The following KLHL1 variants were observed in gnomAD, a reference collection of about 807,000 sequenced individuals.
KLHL1 encodes the protein kelch like family member 1.
KLHL1 carries 47 observed loss-of-function variants against 77.7 expected under a neutral mutation model. The ratio of observed to expected loss-of-function variants is 0.60; its 90% CI spans 0.48 to 0.77. The LOEUF is 0.77. KLHL1 is among the 30% of genes least tolerant of loss of function. The pLI is 0.00. For synonymous variants in KLHL1, 360 were observed against 325.2 expected, an observed-to-expected ratio of 1.11 and a Z score of -1.15; for missense variants, 925 against 910.8, an observed-to-expected ratio of 1.02 and a Z score of -0.20.
intron 1 of KLHL1, among the ~76,000 whole-genome samples, chr13:69,996,211 G>A (rs1885148525): frequency 6.6e-6 from 1 of 152,028 alleles, no homozygotes; most frequent in Non-Finnish European, 1.5e-5. Context: ...GCTGAGGCAG[G>A]AGAATCGCTT....
chr13:69,776,806 A>G (rs1403591048), intron 7 of KLHL1, among the ~76,000 whole-genome samples: 11 of 152,204 alleles, frequency 7.2e-5, no homozygotes, highest in Non-Finnish European at 1.6e-4. Flanking sequence ...TTCTGTAGTT[A>G]AATTAATATT....
Position 69,701,337 on chromosome 13 carries a change from A to T in KLHL1, c.*365T>A, listed in dbSNP as rs1038465449. On this transcript the variant is annotated 3_prime_UTR_variant, in exon 11 of 11. Transcript: ENST00000377844. ...CTTGGATATTGCCATAGACTATAAA[A>T]TGATTGAATGAGTTGTGGTCATGAA... 5.6e-6 allele frequency: 1 copy of T among 177,024 alleles called. No individual in the cohort carries two copies. The highest frequency in any genetic ancestry group is 2.4e-5 in the African/African-American group (1 of 41,944). The allele number at this position is 177,024 out of a possible 1,614,324, so 11.0% of individuals were successfully genotyped here.
chr13:69,847,169 A>C lies in KLHL1; in HGVS notation c.1228-8007T>G, dbSNP rs544832867. Among the ~76,000 whole-genome samples the C allele has an allele frequency of 2.0e-3, 297 of 151,532 alleles. 1 individual carries two copies. Among genetic ancestry groups the C allele is most frequent in the Middle Eastern group, 0.01 (3 of 294 alleles). ...ATCATAAGTAAACAAAACAAGATAC[A>C]TGAATTTATTCTTGCTGGATGACCT... On this transcript the variant is annotated intron_variant, in intron 5 of 10. Coordinates refer to ENST00000377844, the MANE Select transcript of KLHL1 (RefSeq NM_020866.3).
intron 1 of KLHL1, among the ~76,000 whole-genome samples, chr13:70,053,729 T>C (rs1289649867): frequency 6.6e-6 from 1 of 152,130 alleles, no homozygotes; most frequent in Non-Finnish European, 1.5e-5. Context: ...GTTGTAAACC[T>C]CTACATAAAA....
rs1012662385 is a variant in KLHL1 at position 69,868,842 on chromosome 13, A to T, written c.1227+13441T>A. ...AGCTTTACAATGTTACCTAAAATAC[A>T]GTCTACTTTAATTCTCAGAGCCTCA... On this transcript the variant is annotated intron_variant, in intron 5 of 10. Transcript: ENST00000377844. 2.6e-5 allele frequency among the ~76,000 whole-genome samples: 4 copies of T among 152,286 alleles called. No homozygotes were observed. In the East Asian group the frequency reaches 7.7e-4, roughly 29 times the overall value.
At chr13:69,794,461 C>T (rs1177309753) in intron 7 of KLHL1, among the ~76,000 whole-genome samples, 1 of 149,788 alleles carries the variant, frequency 6.7e-6, no homozygotes, top group Non-Finnish European at 1.5e-5. Flanking sequence ...AACAGAGCAT[C>T]TTAAAGGTGG....
At chr13:70,075,943 G>T (rs1042761157) in intron 1 of KLHL1, among the ~76,000 whole-genome samples, 3 of 150,394 alleles carry the variant, frequency 2.0e-5, no homozygotes, top group African/African-American at 7.3e-5. Flanking sequence ...ATGCATACAA[G>T]ATCTATATGA....
intron 4 of KLHL1, among the ~76,000 whole-genome samples, chr13:69,939,746 C>A (rs1359667492): frequency 6.6e-6 from 1 of 152,030 alleles, no homozygotes; most frequent in Non-Finnish European, 1.5e-5. Context: ...TCTCCTCATA[C>A]CTCACCCTAC....
chr13:69,957,461 T>C (rs1054462075), intron 3 of KLHL1, among the ~76,000 whole-genome samples: 6 of 151,732 alleles, frequency 4.0e-5, no homozygotes, highest in African/African-American at 1.4e-4. Flanking sequence ...GAAAGTGATA[T>C]GCATTCGCTA....
intron 7 of KLHL1, among the ~76,000 whole-genome samples, chr13:69,795,213 G>A (rs1196725344): frequency 6.6e-6 from 1 of 152,132 alleles, no homozygotes; most frequent in African/African-American, 2.4e-5. Context: ...GGCATTGTCA[G>A]TCATCTTTCC....
intron 4 of KLHL1, among the ~76,000 whole-genome samples, chr13:69,886,221 C>T (rs1566364993): frequency 1.3e-5 from 2 of 151,984 alleles, no homozygotes; most frequent in Non-Finnish European, 2.9e-5. Flanking sequence ...AAGATTTTGG[C>T]AACAAATGTA....
At chr13:69,825,887 AT>A (rs1172196760) in intron 6 of KLHL1, among the ~76,000 whole-genome samples, 2 of 152,232 alleles carry the variant, frequency 1.3e-5, no homozygotes, top group Non-Finnish European at 2.9e-5. Context: ...TAGTATATTA[AT>A]AGTTCTCTGA....
intron 7 of KLHL1, among the ~76,000 whole-genome samples, chr13:69,794,262 T>C (rs2138033593): frequency 1.3e-5 from 2 of 152,298 alleles, no homozygotes; most frequent in Middle Eastern, 3.4e-3. Flanking sequence ...TAGGGCTTCA[T>C]GCCCAGCTGT....
At chr13:69,913,422 T>C (rs559453275) in intron 4 of KLHL1, among the ~76,000 whole-genome samples, 2 of 152,230 alleles carry the variant, frequency 1.3e-5, no homozygotes, top group African/African-American at 4.8e-5. Context: ...TGGGGCAGGG[T>C]CTCTTCCTCA....
At chr13:69,849,108 T>A (rs964200817) in intron 5 of KLHL1, among the ~76,000 whole-genome samples, 2 of 151,514 alleles carry the variant, frequency 1.3e-5, no homozygotes, top group African/African-American at 4.8e-5. Context: ...CTTCCTTCAT[T>A]CATTCATCAA....
chr13:69,877,443 A>G (rs1225060140), intron 5 of KLHL1, among the ~76,000 whole-genome samples: 1 of 151,976 alleles, frequency 6.6e-6, no homozygotes, highest in African/African-American at 2.4e-5. Flanking sequence ...AAATCAAATC[A>G]GGTATCCTCT....
intron 8 of KLHL1, among the ~76,000 whole-genome samples, chr13:69,731,556 T>C (rs1417408171): frequency 6.6e-6 from 1 of 152,086 alleles, no homozygotes; most frequent in African/African-American, 2.4e-5. Flanking sequence ...CTAGCAGAAA[T>C]GGTTACAGAT....
chr13:69,802,035 G>A (rs1198299734), intron 6 of KLHL1, among the ~76,000 whole-genome samples: 1 of 151,900 alleles, frequency 6.6e-6, no homozygotes, highest in African/African-American at 2.4e-5. Context: ...CCCCCTGACA[G>A]GCCCTGGTGT....
rs1043887095 is a variant in KLHL1 at position 69,818,574 on chromosome 13, T to C, written c.1414+20402A>G. On this transcript the variant is annotated intron_variant, in intron 6 of 10. Coordinates refer to ENST00000377844, the MANE Select transcript of KLHL1 (RefSeq NM_020866.3). Reference sequence around the variant, plus strand: ...GCAAATGCAGATATCCTGTCTTAACTTAGTTCTTCCCTTGGGATGCTTGGG... The same window carrying C: ...GCAAATGCAGATATCCTGTCTTAACCTAGTTCTTCCCTTGGGATGCTTGGG... Among the ~76,000 whole-genome samples the C allele has an allele frequency of 2.6e-5, 4 of 152,158 alleles. No homozygotes were observed. In the East Asian group the frequency reaches 7.7e-4, roughly 29 times the overall value.
Sources: gnomAD v4.1 joint callset for allele counts (sites outside exome capture counted in the v4.1 genomes callset) on GRCh38, gnomAD v4.1.1 for gene constraint, MANE v1.5 for transcripts, NCBI Gene and HGNC (gene_info 2026-07-23, HGNC 2026-07-21) for gene names.